Variants in IFT172 observed in about 807,000 individuals in gnomAD.
The protein encoded by IFT172 is intraflagellar transport 172.
In IFT172, 164 loss-of-function variants were observed where a neutral mutation model predicts 248.9. The observed-to-expected ratio is 0.66, with a 90% CI of 0.58 to 0.75. IFT172 has a LOEUF of 0.75. IFT172 is among the 30% of genes least tolerant of loss of function. IFT172 has a pLI of 0.00. For missense variants in IFT172, 1,950 were observed against 2,192.4 expected (o/e 0.89, Z 2.21); for synonymous variants, 729 against 791.6 (o/e 0.92, Z 1.33).
chr2:27,453,994 G>T lies in IFT172; in HGVS notation c.3699C>A (p.Leu1233=), dbSNP rs773641257. The T allele has an allele frequency of 3.1e-6, 5 of 1,610,154 alleles. No homozygotes were observed. The East Asian group carries it at 1.1e-4, about 36-fold the overall frequency. The change falls in exon 33 of 48, where the codon CTC becomes CTA. Residue 1233 remains leucine, a synonymous_variant. Coordinates refer to ENST00000260570, the MANE Select transcript of IFT172 (RefSeq NM_015662.3). ...TCCAGTGCCCCACCTTATAATAATT[G>T]AGGGCCAGGCCTGGTCTCTGGGCCC... is the stretch of plus-strand genomic sequence containing the variant. ...LLRAQRPGLA[L]NYYKEAGLWS...
At chr2:27,480,856 A>G (rs545156408) in intron 8 of IFT172, among the ~76,000 whole-genome samples, 190 bp downstream of exon 8, 23 of 152,300 alleles carry the variant, frequency 1.5e-4, no homozygotes, top group African/African-American at 5.3e-4. Flanking sequence ...GAGACAAAAC[A>G]AGAGCCCAGG....
In IFT172 at chr2:27,447,879, G is replaced by A; in HGVS notation, c.4472C>T (p.Ser1491Phe). 6.2e-7 allele frequency: 1 copy of A among 1,613,732 alleles called. No individual in the cohort carries two copies. Among genetic ancestry groups the A allele is most frequent in the Non-Finnish European group, 8.5e-7 (1 of 1,179,664 alleles). Residue 1491 changes from serine (S) to phenylalanine (F), a missense_variant, in exon 41 of 48, where the codon TCT becomes TTT. Ser to Phe is a radical substitution (Grantham distance 155). Coordinates refer to ENST00000260570, the MANE Select transcript of IFT172 (RefSeq NM_015662.3). Reference sequence around the variant, plus strand: ...GGCCTCGGCACAGTTGGTTCCAGGAGAGCTCACCATGTCAGTGAAGATCCT... The same window carrying A: ...GGCCTCGGCACAGTTGGTTCCAGGAAAGCTCACCATGTCAGTGAAGATCCT... ...YKRIFTDMVS[S>F]PGTNCAEAYH...
At chr2:27,474,493 G>A (rs1667819974) in intron 14 of IFT172, among the ~76,000 whole-genome samples, 1 of 152,120 alleles carries the variant, frequency 6.6e-6, no homozygotes, top group Non-Finnish European at 1.5e-5. Flanking sequence ...AAATATAGGA[G>A]GGAATAGGAA....
Position 27,479,580 on chromosome 2 carries a change from G to A in IFT172, c.934C>T (p.Gln312Ter). ...CVGTLCGGVE[Q>*]FDCCLRRSIY... ...CTCCTTCGGAGGCAGCAGTCAAACT[G>A]TTCCACCCCACCACATAGTGTGCCC... Residue 312 changes from glutamine to a stop codon, truncating the protein, a stop_gained, in exon 10 of 48, where the codon CAG becomes TAG. Transcript: ENST00000260570. LOFTEE classifies it high-confidence loss of function. 1 of 1,612,492 alleles carries A rather than the reference G, an allele frequency of 6.2e-7. No individual in the cohort carries two copies.
intron 5 of IFT172, 28 bp downstream of exon 5, chr2:27,483,844 T>G (rs1243895078): frequency 3.2e-6 from 5 of 1,576,062 alleles, no homozygotes; most frequent in Non-Finnish European, 4.4e-6. Context: ...TACCACCCCC[T>G]CTCTTGTGTT....
At chr2:27,479,257 G>A (rs768814604) in intron 10 of IFT172, among the ~76,000 whole-genome samples, 1 of 152,024 alleles carries the variant, frequency 6.6e-6, no homozygotes. Context: ...CGCCCGCCTC[G>A]GCCTCCCAAA....
intron 20 of IFT172, 120 bp downstream of exon 20, chr2:27,462,581 T>C (rs1355988627): frequency 2.4e-6 from 2 of 830,038 alleles, no homozygotes; most frequent in Non-Finnish European, 3.9e-6. Flanking sequence ...CTTTGAAAGT[T>C]TTCCCCAAAC....
intron 3 of IFT172, 47 bp from the exon 4 acceptor site, chr2:27,484,313 C>T (rs374285906): frequency 4.2e-5 from 68 of 1,603,962 alleles, no homozygotes; most frequent in Middle Eastern, 3.3e-4. Flanking sequence ...ACTTCCAGGC[C>T]GGGCGTGGTG....
At chr2:27,451,112 C>G (rs1398308015) in intron 35 of IFT172, among the ~76,000 whole-genome samples, 6 of 152,002 alleles carry the variant, frequency 3.9e-5, no homozygotes, top group Admixed American at 3.9e-4. Flanking sequence ...TTCTACAAAC[C>G]CAAGTGTTCA....
rs1666181943 is a variant in IFT172 at position 27,456,549 on chromosome 2, T to A, written c.3333A>T (p.Gly1111=). Residue 1111 remains glycine (G), a synonymous_variant, in exon 30 of 48, where the codon GGA becomes GGT. Transcript: ENST00000260570. ...EAAVRLLNKL[G]LLEAAVDHAA... Reference sequence around the variant, plus strand: ...CGTGGTCAACAGCAGCTTCCAGGAGTCCCAGCTTATTAAGCAGTCTAACTG... The same window carrying A: ...CGTGGTCAACAGCAGCTTCCAGGAGACCCAGCTTATTAAGCAGTCTAACTG... The A allele has an allele frequency of 6.2e-7, 1 of 1,613,838 alleles. No individual in the cohort carries two copies. The highest frequency in any genetic ancestry group is 8.5e-7 in the Non-Finnish European group (1 of 1,179,964).
chr2:27,445,417 C>T lies in IFT172; in HGVS notation c.4947G>A (p.Val1649=). ...GCCGCTGGTCCATGGAGACTGTAAG[C>T]ACCCAGTCTCGAACCTCTTCTCTCT... ...EAEREEVRDW[V]LTVSMDQRLE... Residue 1649 remains valine (V), a synonymous_variant, in exon 46 of 48, where the codon GTG becomes GTA. Transcript: ENST00000260570. This position sits in a 1 kb window ranked among gnomAD's most constrained non-coding sequence, Gnocchi z 4.4. The T allele has an allele frequency of 6.2e-7, 1 of 1,612,064 alleles. No individual in the cohort carries two copies. Among genetic ancestry groups the T allele is most frequent in the African/African-American group, 1.3e-5 (1 of 74,972 alleles).
rs952170946 is a variant in IFT172, at chr2:27,445,635, A to G, written c.4914+110T>C. On this transcript the variant is annotated intron_variant, in intron 45 of 47. Coordinates refer to ENST00000260570, the MANE Select transcript of IFT172 (RefSeq NM_015662.3). This position sits in a 1 kb window ranked among gnomAD's most constrained non-coding sequence, Gnocchi z 4.4. ...CTATTTTGCTTCTACTTTCACTGAA[A>G]AAACAGTGAGGGCTGAGGTCCTTCC... 1 of 1,403,932 alleles carries G rather than the reference A, an allele frequency of 7.1e-7. No individual in the cohort carries two copies. Among genetic ancestry groups the G allele is most frequent in the Non-Finnish European group, 9.8e-7 (1 of 1,018,960 alleles). 87.0% of individuals were successfully genotyped at this position (1,403,932 alleles called of 1,614,324 possible). A position where few individuals can be genotyped will look rare whatever the true frequency, so the allele number is the denominator to read the frequency against.
At chr2:27,472,546 G>GTAA (rs1347975047) in intron 14 of IFT172, among the ~76,000 whole-genome samples, 184 bp from the exon 15 acceptor site, 11 of 152,194 alleles carry the variant, frequency 7.2e-5, no homozygotes, top group Non-Finnish European at 1.5e-4. Flanking sequence ...ACTCTCTGGG[G>GTAA]CTTATGGAGT....
intron 10 of IFT172, 23 bp from the exon 11 acceptor site, chr2:27,478,179 C>G (rs1668106189): frequency 1.2e-6 from 2 of 1,613,336 alleles, no homozygotes; most frequent in African/African-American, 2.7e-5. Flanking sequence ...CAAGTGTGAG[C>G]CCCTTAGGCT....
chr2:27,482,816 C>T (rs1339473132), intron 7 of IFT172, among the ~76,000 whole-genome samples: 1 of 151,944 alleles, frequency 6.6e-6, no homozygotes, highest in Non-Finnish European at 1.5e-5. Context: ...CTAATTCATC[C>T]CTTCTTATAA....
intron 16 of IFT172, among the ~76,000 whole-genome samples, chr2:27,468,722 G>A (rs947830416): frequency 5.9e-5 from 9 of 151,812 alleles, no homozygotes; most frequent in African/African-American, 2.2e-4. Context: ...GGTGGCAGGC[G>A]CCTGTAGTCC....
chr2:27,445,089 C>T lies in IFT172; in HGVS notation c.5085G>A (p.Arg1695=), dbSNP rs1429782897. 6.2e-7 allele frequency: 1 copy of T among 1,611,562 alleles called. No individual in the cohort carries two copies. The highest frequency in any genetic ancestry group is 8.5e-7 in the Non-Finnish European group (1 of 1,178,942). ...PCLITGYPIL[R]NKIEFKRPGK... ...CTGGCCGCTTAAATTCAATTTTGTT[C>T]CTCAGAATGGGGTATCCTGTGGAGG... The change falls in exon 47 of 48, where the codon AGG becomes AGA. Residue 1695 remains arginine, a synonymous_variant. Transcript: ENST00000260570. This position sits in a 1 kb window ranked among gnomAD's most constrained non-coding sequence, Gnocchi z 4.4.
Position 27,458,119 on chromosome 2 carries a change from G to A in IFT172, c.2975+7C>T. 1.9e-6 allele frequency: 3 copies of A among 1,613,676 alleles called. No individual in the cohort carries two copies. The highest frequency in any genetic ancestry group is 2.5e-6 in the Non-Finnish European group (3 of 1,179,656). ...CCCTCTACACCTCCTCTGGGGCCAC[G>A]GCTCACCTTTCAGCCTCACGGTACT... On this transcript the variant is annotated splice_region_variant and intron_variant, in intron 27 of 47. Transcript: ENST00000260570.
intron 19 of IFT172, 146 bp from the exon 20 acceptor site, chr2:27,462,939 G>T: frequency 1.7e-6 from 2 of 1,153,376 alleles, no homozygotes; most frequent in Non-Finnish European, 2.5e-6. Context: ...TTGAGGTTTA[G>T]CAAAAGCAAT....
Sources: allele counts gnomAD v4.1 joint callset (sites outside exome capture counted in the v4.1 genomes callset), GRCh38; gene constraint gnomAD v4.1.1; non-coding constraint Gnocchi (gnomAD v3.1); transcripts MANE v1.5; gene names NCBI Gene and HGNC (gene_info 2026-07-23, HGNC 2026-07-21).